CYP27A1: variants seen among roughly 807,000 people sequenced by gnomAD.
CYP27A1 encodes cytochrome P450 family 27 subfamily A member 1.
Under a neutral mutation model 58.2 loss-of-function variants are expected in CYP27A1, and 46 were observed. The ratio of observed to expected loss-of-function variants is 0.79; its 90% CI spans 0.62 to 1.01. The LOEUF is 1.01. CYP27A1 is among the 50% of genes least tolerant of loss of function. CYP27A1 has a pLI of 0.00. For synonymous variants in CYP27A1, 274 were observed against 285.1 expected, an observed-to-expected ratio of 0.96 and a Z score of 0.39; for missense variants, 704 against 687.0, an observed-to-expected ratio of 1.02 and a Z score of -0.28.
At position 218,782,548 on chromosome 2, in the gene CYP27A1, G is replaced by T; in HGVS notation, c.255+111G>T. On this transcript the variant is annotated intron_variant, in intron 1 of 8. Coordinates refer to ENST00000258415, the MANE Select transcript of CYP27A1 (RefSeq NM_000784.4). The surrounding 1 kb of genome is among the most constrained non-coding windows in gnomAD (Gnocchi z 4.1). Reference sequence around the variant, plus strand: ...TGAAGGCTGCAGGAACTCAGCTGGGGACCCACTGAGGCTATGGTCATAAAC... The same window carrying T: ...TGAAGGCTGCAGGAACTCAGCTGGGTACCCACTGAGGCTATGGTCATAAAC... 1 of 1,361,486 alleles carries T rather than the reference G, an allele frequency of 7.3e-7. No individual in the cohort carries two copies. The highest frequency in any genetic ancestry group is 1.0e-6 in the Non-Finnish European group (1 of 961,826). The allele number at this position is 1,361,486 out of a possible 1,614,324, so 84.3% of individuals were successfully genotyped here. A position where few individuals can be genotyped will look rare whatever the true frequency, so the allele number is the denominator to read the frequency against.
In CYP27A1 at chr2:218,812,747, T is replaced by G. The variant is rs762365759; in HGVS notation, c.842T>G (p.Phe281Cys). The change falls in exon 4 of 9, where the codon TTT (phenylalanine) becomes TGT (cysteine). Residue 281 changes from phenylalanine to cysteine, a missense_variant and splice_region_variant. Phe to Cys is a radical substitution (Grantham distance 205). Transcript: ENST00000258415. Reference sequence around the variant, plus strand: ...GATGGTTGGAATGCCATCTTTTCCTTTGGTGAGGACTCCCAGATGGGGCCC... The same window carrying G: ...GATGGTTGGAATGCCATCTTTTCCTGTGGTGAGGACTCCCAGATGGGGCCC... ...YLDGWNAIFS[F>C]GKKLIDEKLE... 6.2e-7 allele frequency: 1 copy of G among 1,614,162 alleles called. No homozygotes were observed. The highest frequency in any genetic ancestry group is 2.2e-5 in the East Asian group (1 of 44,882).
chr2:218,797,201 G>A (rs960331121), intron 1 of CYP27A1, among the ~76,000 whole-genome samples: 2 of 152,094 alleles, frequency 1.3e-5, no homozygotes, highest in Non-Finnish European at 2.9e-5. Flanking sequence ...CCAGTTTCAA[G>A]CAATTCTCCT....
chr2:218,802,957 T>A (rs913516949), intron 1 of CYP27A1, among the ~76,000 whole-genome samples: 2 of 152,198 alleles, frequency 1.3e-5, no homozygotes, highest in African/African-American at 4.8e-5. Flanking sequence ...TTAATTTATT[T>A]ATTTTGAGGC....
intron 1 of CYP27A1, among the ~76,000 whole-genome samples, chr2:218,807,395 C>T (rs1417864407): frequency 6.6e-6 from 1 of 152,136 alleles, no homozygotes; most frequent in Non-Finnish European, 1.5e-5. Context: ...GGAGTATTTA[C>T]AGGAATTCAG....
At chr2:218,813,435 G>GT (rs901996096) in intron 5 of CYP27A1, among the ~76,000 whole-genome samples, 9 of 151,578 alleles carry the variant, frequency 5.9e-5, no homozygotes, top group African/African-American at 1.2e-4. Flanking sequence ...TTTCTTTTTT[G>GT]TTTTTTTTAA....
In CYP27A1 at chr2:218,792,381, G is replaced by A. The variant is rs149185596; in HGVS notation, c.255+9944G>A. On this transcript the variant is annotated intron_variant, in intron 1 of 8. Coordinates refer to ENST00000258415, the MANE Select transcript of CYP27A1 (RefSeq NM_000784.4). ...ATTTAGCATGAACATCTGGCAAGGT[G>A]TTTTTTTTGGTATTTAATTAATTTT... 3.3e-5 allele frequency among the ~76,000 whole-genome samples: 5 copies of A among 151,926 alleles called. No homozygotes were observed. In the East Asian group the frequency reaches 9.7e-4, roughly 29 times the overall value.
intron 1 of CYP27A1, among the ~76,000 whole-genome samples, chr2:218,790,703 CT>C (rs995291470): frequency 1.6e-3 from 225 of 145,068 alleles, no homozygotes; most frequent in Middle Eastern, 3.5e-3. Flanking sequence ...TTCTTTCTTT[CT>C]TTTTTTTTTT....
intron 1 of CYP27A1, among the ~76,000 whole-genome samples, chr2:218,806,307 A>G (rs1209934430): frequency 6.6e-6 from 1 of 152,218 alleles, no homozygotes; most frequent in Non-Finnish European, 1.5e-5. Context: ...GAATTAGGAG[A>G]CATATTAAGA....
At chr2:218,806,520 A>T (rs1943653662) in intron 1 of CYP27A1, among the ~76,000 whole-genome samples, 1 of 152,264 alleles carries the variant, frequency 6.6e-6, no homozygotes. Context: ...GAGTATTAAC[A>T]GTGCCACAGT....
intron 1 of CYP27A1, among the ~76,000 whole-genome samples, chr2:218,785,487 C>T (rs1385052087): frequency 2.0e-5 from 3 of 151,924 alleles, no homozygotes; most frequent in Admixed American, 6.6e-5. Flanking sequence ...GGGAGAGACC[C>T]AGTAAATGCC....
chr2:218,789,689 G>T (rs1943472995), intron 1 of CYP27A1, among the ~76,000 whole-genome samples: 1 of 152,164 alleles, frequency 6.6e-6, no homozygotes, highest in South Asian at 2.1e-4. Context: ...GCAGCTTTAG[G>T]CTAAACTTGA....
At chr2:218,810,382 C>T (rs530370626) in intron 2 of CYP27A1, among the ~76,000 whole-genome samples, 3 of 152,280 alleles carry the variant, frequency 2.0e-5, no homozygotes, top group African/African-American at 7.2e-5. Flanking sequence ...CATGACAGCT[C>T]AGATTTAGAA....
chr2:218,809,753 T>C lies in CYP27A1; in HGVS notation c.432T>C (p.Tyr144=), dbSNP rs1553616026. 6 of 1,613,264 alleles carry C rather than the reference T, an allele frequency of 3.7e-6. No homozygotes were observed. Among genetic ancestry groups the C allele is most frequent in the Non-Finnish European group, 4.2e-6 (5 of 1,179,414 alleles). Residue 144 remains tyrosine, a synonymous_variant, in exon 2 of 9, where the codon TAT becomes TAC. Coordinates refer to ENST00000258415, the MANE Select transcript of CYP27A1 (RefSeq NM_000784.4). ...ACCGGGACCAGCACGACCTGACCTA[T>C]GGGCCGTTCACCACGTGAGCTGGGG... ...KEHRDQHDLT[Y]GPFTTEGHHW... is the part of the protein sequence containing the mutation.
intron 1 of CYP27A1, among the ~76,000 whole-genome samples, chr2:218,808,649 T>C (rs1559391023): frequency 6.6e-6 from 1 of 152,352 alleles, no homozygotes; most frequent in Admixed American, 6.5e-5. Context: ...ATCTCTTCAG[T>C]AACTGATTAG....
chr2:218,785,004 G>A (rs1466152240), intron 1 of CYP27A1, among the ~76,000 whole-genome samples: 1 of 152,102 alleles, frequency 6.6e-6, no homozygotes, highest in Non-Finnish European at 1.5e-5. Flanking sequence ...TACATTTATT[G>A]TGTATTTTAT....
rs10630235 is a variant in CYP27A1, at chr2:218,801,979, C to CTTT, written c.256-7584_256-7582dup. 2.4e-3 allele frequency among the ~76,000 whole-genome samples: 311 copies of CTTT among 130,588 alleles called. 13 individuals carry two copies. Among genetic ancestry groups the CTTT allele is most frequent in the Non-Finnish European group, 2.7e-3 (169 of 63,242 alleles). The allele number at this position is 130,588 out of a possible 152,430, so 85.7% of individuals were successfully genotyped here. On this transcript the variant is annotated intron_variant, in intron 1 of 8. Coordinates refer to ENST00000258415, the MANE Select transcript of CYP27A1 (RefSeq NM_000784.4). ...GGCTGGGGCTGCAGCTGCTAGCAGG[C>CTTT]TTTTTTTTTTTTTTTTAATTCCTAT...
At chr2:218,807,948 G>A (rs942219424) in intron 1 of CYP27A1, among the ~76,000 whole-genome samples, 2 of 151,962 alleles carry the variant, frequency 1.3e-5, no homozygotes, top group Non-Finnish European at 2.9e-5. Flanking sequence ...TATCCATCCA[G>A]TATTTTTCTA....
chr2:218,796,033 G>C (rs1234908072), intron 1 of CYP27A1, among the ~76,000 whole-genome samples: 1 of 152,186 alleles, frequency 6.6e-6, no homozygotes, highest in Non-Finnish European at 1.5e-5. Context: ...GATAAACTCG[G>C]AGCTCCTGGG....
chr2:218,795,647 T>G (rs142372466), intron 1 of CYP27A1, among the ~76,000 whole-genome samples: 10 of 152,342 alleles, frequency 6.6e-5, no homozygotes, highest in Admixed American at 1.3e-4. Context: ...CAAAGATTGC[T>G]GGTTGGTTCA....
Sources: gnomAD v4.1 joint callset for allele counts (sites outside exome capture counted in the v4.1 genomes callset) on GRCh38, gnomAD v4.1.1 for gene constraint, Gnocchi (gnomAD v3.1) non-coding constraint, MANE v1.5 for transcripts, NCBI Gene and HGNC (gene_info 2026-07-23, HGNC 2026-07-21) for gene names.